Variants in SOX5 observed in about 807,000 individuals in gnomAD.
SOX5 encodes the protein SRY-box transcription factor 5.
A neutral mutation model predicts 92.0 loss-of-function variants in SOX5; 9 were observed. The ratio of observed to expected loss-of-function variants is 0.10; its 90% confidence interval spans 0.06 to 0.17. The LOEUF (loss-of-function observed/expected upper bound fraction) is 0.17. Ranked by LOEUF, SOX5 falls within the 10% of genes least tolerant of loss-of-function variation. The pLI is 1.00. For missense variants in SOX5, 642 were observed against 944.5 expected, an observed-to-expected ratio of 0.68 and a Z score of 4.20; for synonymous variants, 344 against 336.3, an observed-to-expected ratio of 1.02 and a Z score of -0.25.
At chr12:23,879,951 T>C (rs2096969152) in intron 2 of SOX5, among the ~76,000 whole-genome samples, 1 of 152,070 alleles carries the variant, frequency 6.6e-6, no homozygotes, top group Non-Finnish European at 1.5e-5. Flanking sequence ...GTAAAAAGTC[T>C]CCAAGGCAAG....
intron 7 of SOX5, 146 bp downstream of exon 7, chr12:23,665,298 C>T (rs1226753041): frequency 2.3e-6 from 2 of 868,394 alleles, no homozygotes; most frequent in Admixed American, 1.9e-5. Context: ...TACTAACACA[C>T]TTCTCCACAC....
At chr12:24,384,310 A>C (rs1184109689) in intron 1 of SOX5, among the ~76,000 whole-genome samples, 1 of 152,168 alleles carries the variant, frequency 6.6e-6, no homozygotes. Context: ...TAGGAGGCGG[A>C]GCCCAGGTGG....
chr12:24,080,942 G>A (rs760694562), intron 4 of SOX5, among the ~76,000 whole-genome samples: 8 of 151,852 alleles, frequency 5.3e-5, no homozygotes, highest in Non-Finnish European at 1.2e-4. Context: ...CAAACTTTAA[G>A]GACAAATTCC....
chr12:24,304,568 C>G (rs1461839192), intron 2 of SOX5, among the ~76,000 whole-genome samples: 2 of 152,114 alleles, frequency 1.3e-5, no homozygotes, highest in Admixed American at 1.3e-4. Flanking sequence ...AAGGAGAGGC[C>G]TCTCCACAGC....
chr12:24,235,043 G>A (rs1295273392), intron 3 of SOX5, among the ~76,000 whole-genome samples: 1 of 152,172 alleles, frequency 6.6e-6, no homozygotes, highest in Non-Finnish European at 1.5e-5. Context: ...TATTACGCCT[G>A]CAGTATTTGC....
intron 3 of SOX5, among the ~76,000 whole-genome samples, chr12:23,783,402 A>T (rs1157145276): frequency 6.6e-6 from 1 of 152,320 alleles, no homozygotes; most frequent in East Asian, 1.9e-4. Flanking sequence ...AAGAACAGAT[A>T]ATCAAATGAT....
At chr12:23,828,201 C>T (rs911737545) in intron 3 of SOX5, among the ~76,000 whole-genome samples, 1 of 152,120 alleles carries the variant, frequency 6.6e-6, no homozygotes, top group African/African-American at 2.4e-5. Flanking sequence ...AGCCTAGGGG[C>T]GATAGGCTAC....
At chr12:23,550,329 C>G (rs1943952132) in intron 11 of SOX5, among the ~76,000 whole-genome samples, 2 of 151,904 alleles carry the variant, frequency 1.3e-5, no homozygotes, top group African/African-American at 4.8e-5. Context: ...TATATATTAG[C>G]CATACTGCTT....
intron 1 of SOX5, among the ~76,000 whole-genome samples, chr12:24,470,363 G>A (rs186333904): frequency 6.6e-6 from 1 of 152,294 alleles, no homozygotes; most frequent in East Asian, 1.9e-4. Context: ...GTAACTAGGA[G>A]TAATGAGTAT....
intron 1 of SOX5, among the ~76,000 whole-genome samples, chr12:24,523,990 G>A (rs1014772800): frequency 2.0e-5 from 3 of 152,196 alleles, no homozygotes; most frequent in South Asian, 2.1e-4. Context: ...AACTATATGC[G>A]ATGGTTAATT....
chr12:24,297,469 A>G (rs1947403064), intron 2 of SOX5, among the ~76,000 whole-genome samples: 1 of 152,274 alleles, frequency 6.6e-6, no homozygotes, highest in Admixed American at 6.5e-5. Flanking sequence ...ATTAACTACT[A>G]CAAGTGGTCC....
At chr12:23,581,624 G>A (rs900556921) in intron 9 of SOX5, among the ~76,000 whole-genome samples, 1 of 151,948 alleles carries the variant, frequency 6.6e-6, no homozygotes, top group African/African-American at 2.4e-5. Context: ...TGGTATTTCA[G>A]CTATTTATTA....
intron 1 of SOX5, among the ~76,000 whole-genome samples, chr12:24,440,031 C>T (rs909164125): frequency 1.5e-4 from 23 of 152,150 alleles, no homozygotes; most frequent in African/African-American, 5.1e-4. Context: ...TGGTTGGTGG[C>T]AATTTAAAAT....
chr12:23,860,865 C>A (rs1315879056), intron 2 of SOX5, among the ~76,000 whole-genome samples: 1 of 149,918 alleles, frequency 6.7e-6, no homozygotes, highest in Non-Finnish European at 1.5e-5. Flanking sequence ...GTAACACCTT[C>A]TCCTTCACTG....
At chr12:24,558,399 ACCTTTGAC>A (rs2139052389) in intron 1 of SOX5, among the ~76,000 whole-genome samples, 1 of 152,252 alleles carries the variant, frequency 6.6e-6, no homozygotes, top group East Asian at 1.9e-4. Flanking sequence ...TAGTTAGCCT[ACCTTTGAC>A]CCTGACTCAA....
chr12:23,581,601 C>T (rs1394771276), intron 9 of SOX5, among the ~76,000 whole-genome samples: 1 of 152,000 alleles, frequency 6.6e-6, no homozygotes, highest in African/African-American at 2.4e-5. Context: ...TCATCCATAT[C>T]TTATTTATCT....
Position 23,819,449 on chromosome 12 carries a change from G to A in SOX5, c.481+26534C>T, listed in dbSNP as rs575537819. Among the ~76,000 whole-genome samples the A allele has an allele frequency of 4.1e-4, 63 of 152,112 alleles. 1 individual carries two copies. The highest frequency in any genetic ancestry group is 1.4e-3 in the African/African-American group (58 of 41,496). ...GCAAATTTATTTTTTTTATTCTACTGTAAGTTCTGGGATACATGTGCAGAA... is the reference window on the plus strand; with the variant it reads ...GCAAATTTATTTTTTTTATTCTACTATAAGTTCTGGGATACATGTGCAGAA... On this transcript the variant is annotated intron_variant, in intron 3 of 14. Transcript: ENST00000451604.
chr12:23,679,262 A>C (rs180805836), intron 6 of SOX5, among the ~76,000 whole-genome samples: 1 of 152,252 alleles, frequency 6.6e-6, no homozygotes, highest in Admixed American at 6.5e-5. Context: ...TCAGTCTCTC[A>C]CACTAACCCA....
At chr12:24,443,325 T>C (rs116870944) in intron 1 of SOX5, among the ~76,000 whole-genome samples, 2,850 of 152,278 alleles carry the variant, frequency 0.019, 45 homozygotes, top group Non-Finnish European at 0.028. Flanking sequence ...GCCCCAGAAG[T>C]AAAGATGGAC....
Sources: allele counts gnomAD v4.1 joint callset (sites outside exome capture counted in the v4.1 genomes callset), GRCh38; gene constraint gnomAD v4.1.1; transcripts MANE v1.5; gene names NCBI Gene and HGNC (gene_info 2026-07-23, HGNC 2026-07-21).